ABCB4: variants seen among roughly 807,000 people sequenced by gnomAD.
ABCB4 encodes the protein ATP binding cassette subfamily B member 4, also known as phosphatidylcholine translocator ABCB4.
Under a neutral mutation model 145.7 loss-of-function variants are expected in ABCB4, and 76 were observed. That is an observed-to-expected ratio of 0.52 (90% CI 0.43 to 0.63). The LOEUF (loss-of-function observed/expected upper bound fraction) is 0.63, where lower values mean the gene tolerates loss of function less well. Among genes scored for constraint, ABCB4 ranks in the 30% least tolerant of loss-of-function variants. The probability of loss-of-function intolerance (pLI) is 0.00; values close to 1 mark genes in which losing one functional copy is unlikely to be tolerated. For synonymous variants in ABCB4, 517 were observed against 566.8 expected, an observed-to-expected ratio of 0.91 and a Z score of 1.25; for missense variants, 1,234 against 1,553.1, an observed-to-expected ratio of 0.79 and a Z score of 3.45.
Position 87,452,996 on chromosome 7 carries a change from T to C in ABCB4, c.484A>G (p.Ile162Val), listed in dbSNP as rs774015689. ...GTGTCGTTGATGTCAAACCATCCTA[T>C]TTCCTGTCGTAGAATAGCATGAAAA... ...KFFHAILRQE[I>V]GWFDINDTTE... The change falls in exon 6 of 28, where the codon ATA (isoleucine) becomes GTA (valine). Residue 162 changes from isoleucine to valine, a missense_variant. This residue lies in a region of ABCB4 where 467 missense variants were observed against 632.8 expected (regional missense o/e 0.74). Transcript: ENST00000649586. 2 of 1,614,152 alleles carry C rather than the reference T, an allele frequency of 1.2e-6. No homozygotes were observed. The highest frequency in any genetic ancestry group is 1.7e-6 in the Non-Finnish European group (2 of 1,180,014).
chr7:87,434,702 C>T (rs1003117510), intron 14 of ABCB4, among the ~76,000 whole-genome samples: 2 of 152,140 alleles, frequency 1.3e-5, no homozygotes, highest in Non-Finnish European at 2.9e-5. Context: ...GAGCCAAGAT[C>T]ACACCACTGC....
the ABCB4 span, among the ~76,000 whole-genome samples, chr7:87,394,536 ATC>A: frequency 5.1e-5 from 7 of 138,046 alleles, no homozygotes; most frequent in Non-Finnish European, 9.2e-5. Flanking sequence ...ACATAAATAA[ATC>A]TAGTATAAGT....
At chr7:87,470,557 G>A (rs1813300345) in intron 3 of ABCB4, among the ~76,000 whole-genome samples, 1 of 152,176 alleles carries the variant, frequency 6.6e-6, no homozygotes, top group Admixed American at 6.5e-5. Flanking sequence ...AGTGGGTGAA[G>A]GATATGAACA....
At chr7:87,438,014 A>T (rs1810724163) in intron 14 of ABCB4, among the ~76,000 whole-genome samples, 1 of 152,236 alleles carries the variant, frequency 6.6e-6, no homozygotes. Context: ...GGCAGAGGTC[A>T]TATTATGAAA....
chr7:87,404,807 C>A (rs1808060605), intron 26 of ABCB4, among the ~76,000 whole-genome samples: 2 of 152,090 alleles, frequency 1.3e-5, no homozygotes, highest in Admixed American at 1.3e-4. Flanking sequence ...CATATTAAAG[C>A]CACAGTGATG....
In ABCB4 at chr7:87,428,124, C is replaced by T. The variant is rs6955926; in HGVS notation, c.1894-1204G>A. ...CCAGAACTTTTCCTCTTTTGGTAAT[C>T]TCATCCATGCTATCAAGAGGTCCAT... On this transcript the variant is annotated intron_variant, in intron 15 of 27. Transcript: ENST00000649586. Among the ~76,000 whole-genome samples the T allele has an allele frequency of 1.7e-3, 265 of 152,272 alleles. 1 individual carries two copies. The highest frequency in any genetic ancestry group is 5.9e-3 in the African/African-American group (245 of 41,558).
intron 16 of ABCB4, among the ~76,000 whole-genome samples, chr7:87,425,258 G>T (rs1282326304): frequency 2.6e-5 from 4 of 152,036 alleles, no homozygotes; most frequent in Admixed American, 2.0e-4. Flanking sequence ...TCTTCTCTGT[G>T]CATTTCTTCA....
rs769502776 is a variant in ABCB4, at chr7:87,403,128, C to G, written c.3633+7G>C. ...AAATAAGACATAAGTTGGGAGGCCA[C>G]ACACACCTTTTCACTTTCAGTATCC... On this transcript the variant is annotated splice_region_variant and intron_variant, in intron 27 of 27. Transcript: ENST00000649586. 6.2e-7 allele frequency: 1 copy of G among 1,613,956 alleles called. No individual in the cohort carries two copies. The highest frequency in any genetic ancestry group is 8.5e-7 in the Non-Finnish European group (1 of 1,179,882).
chr7:87,408,215 A>G lies in ABCB4; in HGVS notation c.3101T>C (p.Ile1034Thr), dbSNP rs780292654. 1.9e-6 allele frequency: 3 copies of G among 1,613,996 alleles called. No individual in the cohort carries two copies. The highest frequency in any genetic ancestry group is 2.2e-5 in the East Asian group (1 of 44,876). ...GLKPDKFEGN[I>T]TFNEVVFNYP... is the part of the protein sequence containing the mutation. ...GTTGAACACGACTTCATTAAATGTTATATTTCCTTCAAATTTATCCTGAAT... is the reference window on the plus strand; with the variant it reads ...GTTGAACACGACTTCATTAAATGTTGTATTTCCTTCAAATTTATCCTGAAT... Residue 1034 changes from isoleucine to threonine, a missense_variant, in exon 25 of 28, where the codon ATA (isoleucine) becomes ACA (threonine). Around this residue, in one of 7 missense-constraint regions of ABCB4, gnomAD observed 301 missense variants for 389.0 expected, o/e 0.77. Coordinates refer to ENST00000649586, the MANE Select transcript of ABCB4 (RefSeq NM_000443.4).
chr7:87,402,297 G>T lies in ABCB4; in HGVS notation c.3639C>A (p.Val1213=), dbSNP rs1473176897. ...SALDTESEKV[V]QEALDKAREG... ...CTCTGGCTTTGTCCAGGGCTTCTTG[G>T]ACAACCTATTGATAAATCAGACAGA... Residue 1213 remains valine (V), a synonymous_variant, in exon 28 of 28, where the codon GTC becomes GTA. Transcript: ENST00000649586. 1.2e-6 allele frequency: 2 copies of T among 1,613,926 alleles called. No homozygotes were observed. The highest frequency in any genetic ancestry group is 2.2e-5 in the South Asian group (2 of 91,070).
At chr7:87,451,922 C>G in intron 6 of ABCB4, 128 bp from the exon 7 acceptor site, 5 of 844,640 alleles carry the variant, frequency 5.9e-6, no homozygotes, top group Admixed American at 5.4e-5. Flanking sequence ...AGAGTCTTAG[C>G]CTCTTGAATA....
At chr7:87,459,622 A>AG (rs1346902063) in intron 4 of ABCB4, among the ~76,000 whole-genome samples, 1 of 151,998 alleles carries the variant, frequency 6.6e-6, no homozygotes, top group Admixed American at 6.6e-5. Flanking sequence ...TTCTTGGTAA[A>AG]GGTGTATACG....
the ABCB4 span, among the ~76,000 whole-genome samples, chr7:87,381,125 T>C: frequency 6.6e-6 from 1 of 152,194 alleles, no homozygotes; most frequent in African/African-American, 2.4e-5. Context: ...ATCTTGATAC[T>C]ACTTCCCTTC....
At chr7:87,419,888 A>T (rs898731526) in intron 19 of ABCB4, 110 bp downstream of exon 19, 2 of 1,178,682 alleles carry the variant, frequency 1.7e-6, no homozygotes, top group African/African-American at 3.0e-5. Flanking sequence ...TCCTTGCGTG[A>T]ATACCCTGGG....
rs1235489711 is a variant in ABCB4 at position 87,409,132 on chromosome 7, C to T, written c.3081+104G>A. ...TAAATATTACAAATTAAATGAAACA[C>T]ATGTTGGTGTAATCATCACAAACTT... On this transcript the variant is annotated intron_variant, in intron 24 of 27. Transcript: ENST00000649586. 7.5e-6 allele frequency: 10 copies of T among 1,328,098 alleles called. No homozygotes were observed. The Admixed American group carries it at 1.2e-4, about 16-fold the overall frequency. 82.3% of individuals were successfully genotyped at this position (1,328,098 alleles called of 1,614,324 possible).
At chr7:87,412,624 CA>C (rs1161814944) in intron 22 of ABCB4, among the ~76,000 whole-genome samples, 1 of 152,096 alleles carries the variant, frequency 6.6e-6, no homozygotes, top group East Asian at 1.9e-4. Context: ...CTGAATCCTC[CA>C]AAAGAACTAT....
chr7:87,406,194 C>G, intron 26 of ABCB4, 94 bp downstream of exon 26: 2 of 1,309,360 alleles, frequency 1.5e-6, no homozygotes, highest in Non-Finnish European at 2.2e-6. Context: ...AGTAAATCAA[C>G]ATATTTTGTT....
chr7:87,407,828 T>C (rs1300446147), intron 25 of ABCB4, among the ~76,000 whole-genome samples: 1 of 152,174 alleles, frequency 6.6e-6, no homozygotes, highest in Non-Finnish European at 1.5e-5. Flanking sequence ...TTATATTCAG[T>C]ATTTTCTGAG....
At chr7:87,381,830 AC>A in the ABCB4 span, 1 of 919,860 alleles carries the variant, frequency 1.1e-6, no homozygotes, top group Non-Finnish European at 1.7e-6. Flanking sequence ...TTAAGAATGG[AC>A]ACAAAGTGAA....
Sources: gnomAD v4.1 joint callset for allele counts (sites outside exome capture counted in the v4.1 genomes callset) on GRCh38, gnomAD v4.1.1 for gene constraint, gnomAD v4.1.1 regional missense constraint, MANE v1.5 for transcripts, NCBI Gene and HGNC (gene_info 2026-07-23, HGNC 2026-07-21) for gene names.